Variants in SNTG2 observed in about 807,000 individuals in gnomAD.
SNTG2 encodes gamma-2-syntrophin.
In SNTG2, 74 loss-of-function variants were observed where a neutral mutation model predicts 70.9. That is an observed-to-expected ratio of 1.04 (90% CI 0.86 to 1.27). The LOEUF (loss-of-function observed/expected upper bound fraction) is 1.27. Ranked by LOEUF, SNTG2 falls within the 50% of genes most tolerant of loss-of-function variation. The pLI is 0.00. For missense variants in SNTG2, 717 were observed against 690.7 expected, an observed-to-expected ratio of 1.04 and a Z score of -0.43; for synonymous variants, 278 against 273.8, an observed-to-expected ratio of 1.02 and a Z score of -0.15.
chr2:1,117,647 C>G (rs369078806), intron 4 of SNTG2, among the ~76,000 whole-genome samples: 15 of 152,262 alleles, frequency 9.9e-5, no homozygotes, highest in African/African-American at 1.4e-4. Context: ...CCAGGGTGAA[C>G]AGCAACAGCT....
At chr2:1,078,672 G>A (rs1207159651) in intron 1 of SNTG2, among the ~76,000 whole-genome samples, 1 of 152,196 alleles carries the variant, frequency 6.6e-6, no homozygotes, top group Non-Finnish European at 1.5e-5. Context: ...TACCTGAACC[G>A]TATTTTAACA....
chr2:1,062,882 C>T (rs1163827596), intron 1 of SNTG2, among the ~76,000 whole-genome samples: 2 of 152,040 alleles, frequency 1.3e-5, no homozygotes, highest in African/African-American at 2.4e-5. Context: ...ACTCACAAAC[C>T]CATATATATA....
At chr2:1,138,181 C>T (rs1199731201) in intron 6 of SNTG2, among the ~76,000 whole-genome samples, 1 of 152,224 alleles carries the variant, frequency 6.6e-6, no homozygotes, top group African/African-American at 2.4e-5. Context: ...CCCCGTACCG[C>T]CCGGGCGCTG....
chr2:1,330,106 C>T (rs1227573181), intron 16 of SNTG2, among the ~76,000 whole-genome samples: 1 of 152,160 alleles, frequency 6.6e-6, no homozygotes, highest in Non-Finnish European at 1.5e-5. Flanking sequence ...GTTCCGCCAT[C>T]AGGCTAGTGG....
chr2:1,024,315 A>G (rs1049495883), intron 1 of SNTG2, among the ~76,000 whole-genome samples: 1 of 152,234 alleles, frequency 6.6e-6, no homozygotes, highest in Non-Finnish European at 1.5e-5. Flanking sequence ...ACAGAAGGTT[A>G]TTATTTATTT....
intron 15 of SNTG2, among the ~76,000 whole-genome samples, chr2:1,309,377 T>TTA (rs1680867971): frequency 6.6e-6 from 1 of 152,244 alleles, no homozygotes; most frequent in African/African-American, 2.4e-5. Context: ...GAACTGCGCC[T>TTA]TCTTTCTGAG....
At chr2:1,196,415 C>A (rs1314161636) in intron 8 of SNTG2, among the ~76,000 whole-genome samples, 1 of 151,968 alleles carries the variant, frequency 6.6e-6, no homozygotes, top group Non-Finnish European at 1.5e-5. Context: ...TTCATGTGTT[C>A]CAGATGGGGA....
chr2:1,040,339 C>T (rs1039128002), intron 1 of SNTG2, among the ~76,000 whole-genome samples: 2 of 152,220 alleles, frequency 1.3e-5, no homozygotes, highest in South Asian at 2.1e-4. Context: ...CTGGCCCTCA[C>T]CTGCTCGCCT....
Position 954,272 on chromosome 2 carries a change from C to T in SNTG2, c.72+3204C>T, listed in dbSNP as rs557586987. Among the ~76,000 whole-genome samples, 9 of 152,296 alleles carry T rather than the reference C, an allele frequency of 5.9e-5. No homozygotes were observed. The East Asian group carries it at 1.7e-3, about 29-fold the overall frequency. ...GAACCCCGGCTTCGGGAACCACCAT[C>T]CTCTCTGGCTCTGGCTTCTCACCTG... On this transcript the variant is annotated intron_variant, in intron 1 of 16. Transcript: ENST00000308624.
At chr2:1,034,297 A>G (rs1661009209) in intron 1 of SNTG2, among the ~76,000 whole-genome samples, 1 of 152,218 alleles carries the variant, frequency 6.6e-6, no homozygotes, top group African/African-American at 2.4e-5. Context: ...ATTCTTTTTT[A>G]TGACTGCATA....
chr2:1,346,666 CA>C (rs1660299308), intron 16 of SNTG2: 1 of 152,222 alleles, frequency 6.6e-6, no homozygotes, highest in South Asian at 2.1e-4. Context: ...TGGGGACACA[CA>C]GTCTCCTGAG....
intron 6 of SNTG2, among the ~76,000 whole-genome samples, chr2:1,149,963 C>G (rs987743279): frequency 1.3e-5 from 2 of 152,232 alleles, no homozygotes; most frequent in Admixed American, 6.5e-5. Context: ...GCTGGAATTA[C>G]AGGCCTGAGC....
At chr2:1,076,305 G>C (rs945595386) in intron 1 of SNTG2, among the ~76,000 whole-genome samples, 3 of 152,082 alleles carry the variant, frequency 2.0e-5, no homozygotes, top group African/African-American at 7.2e-5. Context: ...CCTTCCACCC[G>C]TATGGCCCAG....
intron 1 of SNTG2, among the ~76,000 whole-genome samples, chr2:1,048,355 C>T (rs1661860926): frequency 6.6e-6 from 1 of 152,156 alleles, no homozygotes; most frequent in Non-Finnish European, 1.5e-5. Context: ...TCTGGTCAGT[C>T]ACTACCAGTC....
At chr2:1,182,360 C>CAAAAAAAAAAAAAAAAAAAAAA (rs10587246) in intron 8 of SNTG2, among the ~76,000 whole-genome samples, 1 of 122,058 alleles carries the variant, frequency 8.2e-6, no homozygotes, top group Non-Finnish European at 1.6e-5. Flanking sequence ...TTAAAAATTT[C>CAAAAAAAAAAAAAAAAAAAAAA]AAAAAAAAAA....
intron 8 of SNTG2, among the ~76,000 whole-genome samples, chr2:1,184,958 T>C (rs1167354665): frequency 6.6e-6 from 1 of 152,156 alleles, no homozygotes; most frequent in Non-Finnish European, 1.5e-5. Context: ...ACAAAGCAAG[T>C]CCCTTCCACC....
chr2:1,308,084 G>A (rs1033937652), intron 14 of SNTG2, among the ~76,000 whole-genome samples: 2 of 152,150 alleles, frequency 1.3e-5, no homozygotes, highest in African/African-American at 4.8e-5. Context: ...AGCTTCTGCC[G>A]GAACATGCTT....
chr2:969,858 G>T (rs938933600), intron 1 of SNTG2, among the ~76,000 whole-genome samples: 2 of 152,102 alleles, frequency 1.3e-5, no homozygotes, highest in African/African-American at 4.8e-5. Context: ...TTTTAATTCT[G>T]TCTCTTGCCT....
At chr2:1,311,691 A>C (rs1680999108) in intron 15 of SNTG2, among the ~76,000 whole-genome samples, 1 of 152,232 alleles carries the variant, frequency 6.6e-6, no homozygotes, top group Non-Finnish European at 1.5e-5. Context: ...CTAAATAATT[A>C]TTTAAAATGT....
Sources: allele counts gnomAD v4.1 joint callset (sites outside exome capture counted in the v4.1 genomes callset), GRCh38; gene constraint gnomAD v4.1.1; transcripts MANE v1.5; gene names NCBI Gene and HGNC (gene_info 2026-07-23, HGNC 2026-07-21).